The following WTAP variants were observed in gnomAD, a reference collection of about 807,000 sequenced individuals.
WTAP encodes pre-mRNA-splicing regulator WTAP.
Under a neutral mutation model 50.0 loss-of-function variants are expected in WTAP, and 8 were observed. The observed-to-expected ratio is 0.16, with a 90% CI of 0.09 to 0.29. The LOEUF is 0.29. WTAP is among the 10% of genes least tolerant of loss of function. The probability of loss-of-function intolerance (pLI) is 1.00; values close to 1 mark genes in which losing one functional copy is unlikely to be tolerated. For synonymous variants in WTAP, 194 were observed against 169.0 expected (o/e 1.15, Z -1.15); for missense variants, 295 against 470.7 (o/e 0.63, Z 3.45).
chr6:159,746,009 A>G (rs1282310129), intron 5 of WTAP, among the ~76,000 whole-genome samples: 2 of 152,206 alleles, frequency 1.3e-5, no homozygotes, highest in African/African-American at 4.8e-5. Flanking sequence ...CAAAGATCAA[A>G]TTTTAAAAGA....
chr6:159,743,411 G>T (rs1360102962), intron 4 of WTAP, among the ~76,000 whole-genome samples: 2 of 152,214 alleles, frequency 1.3e-5, no homozygotes, highest in East Asian at 3.8e-4. Context: ...GTATAACACA[G>T]ATGTTTTCTG....
intron 2 of WTAP, among the ~76,000 whole-genome samples, chr6:159,737,133 C>T (rs528840949): frequency 3.3e-5 from 5 of 151,862 alleles, no homozygotes; most frequent in Non-Finnish European, 5.9e-5. Flanking sequence ...CTGCAGTCTC[C>T]GCCTCCTGGG....
chr6:159,729,652 G>A (rs1053918027), intron 1 of WTAP, among the ~76,000 whole-genome samples: 2 of 152,156 alleles, frequency 1.3e-5, no homozygotes, highest in African/African-American at 4.8e-5. Context: ...TTATCTTTTT[G>A]CTGACTTGGA....
chr6:159,753,640 C>A, intron 7 of WTAP, 26 bp downstream of exon 7: 1 of 1,583,152 alleles, frequency 6.3e-7, no homozygotes. Context: ...CTTTTTGGAA[C>A]GTTGTCTCAA....
chr6:159,742,449 C>T (rs1244312442), intron 4 of WTAP, among the ~76,000 whole-genome samples: 1 of 152,078 alleles, frequency 6.6e-6, no homozygotes, highest in South Asian at 2.1e-4. Context: ...TGTCCCTAAC[C>T]CCTTCTGCAT....
chr6:159,731,126 G>A (rs987051332), intron 1 of WTAP, among the ~76,000 whole-genome samples: 5 of 152,000 alleles, frequency 3.3e-5, no homozygotes, highest in African/African-American at 1.2e-4. Flanking sequence ...GGGCAACAGA[G>A]AGAGACTACG....
upstream of WTAP, chr6:159,727,146 G>A (rs566586638): frequency 6.9e-4 from 826 of 1,194,746 alleles, 19 homozygotes; most frequent in South Asian, 0.011. Flanking sequence ...GCTGAGCTCC[G>A]GGGCCCGCGG....
intron 5 of WTAP, among the ~76,000 whole-genome samples, chr6:159,747,075 G>C (rs1185047381): frequency 6.6e-6 from 1 of 152,098 alleles, no homozygotes; most frequent in East Asian, 1.9e-4. Context: ...AAACCACTTA[G>C]TATATTTGTT....
At chr6:159,746,228 G>T (rs1779565776) in intron 5 of WTAP, among the ~76,000 whole-genome samples, 1 of 152,228 alleles carries the variant, frequency 6.6e-6, no homozygotes, top group South Asian at 2.1e-4. Context: ...AGTGGGAAGT[G>T]AGAGAAACTA....
chr6:159,741,308 T>C (rs770337285), intron 3 of WTAP, among the ~76,000 whole-genome samples: 32 of 152,220 alleles, frequency 2.1e-4, no homozygotes, highest in Non-Finnish European at 4.0e-4. Flanking sequence ...CAGTTAGATG[T>C]GATTGTTAAA....
intron 1 of WTAP, among the ~76,000 whole-genome samples, chr6:159,734,549 A>C (rs889126824): frequency 6.6e-6 from 1 of 152,102 alleles, no homozygotes; most frequent in Non-Finnish European, 1.5e-5. Flanking sequence ...TGATCCTTCC[A>C]CAGGTAGTTC....
At position 159,755,281 on chromosome 6, in the gene WTAP, G is replaced by T; in HGVS notation, c.861G>T (p.Thr287=). 6.2e-7 allele frequency: 1 copy of T among 1,614,202 alleles called. No individual in the cohort carries two copies. Among genetic ancestry groups the T allele is most frequent in the Non-Finnish European group, 8.5e-7 (1 of 1,180,038 alleles). Residue 287 remains threonine (T), a synonymous_variant, in exon 8 of 8, where the codon ACG becomes ACT. Transcript: ENST00000621533. ...PSNGSSSRQR[T]SGSGFHREGN... is the part of the protein sequence containing the mutation. ...ATGGTAGCTCCTCCCGCCAGAGGAC[G>T]TCTGGGTCTGGATTTCACAGGGAGG...
intron 4 of WTAP, among the ~76,000 whole-genome samples, chr6:159,742,907 T>C (rs1483546951): frequency 6.7e-6 from 1 of 148,872 alleles, no homozygotes; most frequent in Non-Finnish European, 1.5e-5. Context: ...AAAAAAAGAG[T>C]CAGGAGGATC....
At chr6:159,727,397 G>A (rs1248503052), upstream of WTAP, 9 of 1,221,686 alleles carry the variant, frequency 7.4e-6, no homozygotes, top group African/African-American at 1.5e-4. Flanking sequence ...GAGGCGGGAG[G>A]CGGGAGGCAG....
Position 159,755,509 on chromosome 6 carries a change from A to G in WTAP, c.1089A>G (p.Gln363=). Reference sequence around the variant, plus strand: ...ACACAGACTCCAGTCATGACCCTCAAGAGGAGAAAGCAGTGAGTGGGAAAG... The same window carrying G: ...ACACAGACTCCAGTCATGACCCTCAGGAGGAGAAAGCAGTGAGTGGGAAAG... ...SNDTDSSHDP[Q]EEKAVSGKGN... is the part of the protein sequence containing the mutation. The change falls in exon 8 of 8, where the codon CAA becomes CAG. Residue 363 remains glutamine, a synonymous_variant. Transcript: ENST00000621533. The G allele has an allele frequency of 6.2e-7, 1 of 1,614,184 alleles. No homozygotes were observed. Among genetic ancestry groups the G allele is most frequent in the South Asian group, 1.1e-5 (1 of 91,088 alleles).
intron 1 of WTAP, among the ~76,000 whole-genome samples, chr6:159,733,926 A>G (rs1276764399): frequency 6.6e-6 from 1 of 152,214 alleles, no homozygotes; most frequent in Non-Finnish European, 1.5e-5. Flanking sequence ...CCAAAAAAAA[A>G]GATTAAACAG....
In WTAP at chr6:159,755,939, T is replaced by C. The variant is rs1027051552; in HGVS notation, c.*328T>C. 66 of 243,410 alleles carry C rather than the reference T, an allele frequency of 2.7e-4. No homozygotes were observed. Among genetic ancestry groups the C allele is most frequent in the Non-Finnish European group, 4.8e-4 (62 of 128,674 alleles). The allele number at this position is 243,410 out of a possible 1,614,324, so 15.1% of individuals were successfully genotyped here. On this transcript the variant is annotated 3_prime_UTR_variant, in exon 8 of 8. Coordinates refer to ENST00000621533, the MANE Select transcript of WTAP (RefSeq NM_001270531.2). ...TTTTCCTTAAAATACAACACAATGA[T>C]GTCTGTATAAATCTGTCTGTTTAGA...
Position 159,756,307 on chromosome 6 carries a change from T to A in WTAP, c.*696T>A, listed in dbSNP as rs1780010386. ...ACCAAACCTAAATAAAGATTTTTAT[T>A]GTAACTCCTTAATTAGCTTTTTTGT... On this transcript the variant is annotated 3_prime_UTR_variant, in exon 8 of 8. Transcript: ENST00000621533. 6.6e-6 allele frequency: 1 copy of A among 152,658 alleles called. No homozygotes were observed. Among genetic ancestry groups the A allele is most frequent in the Non-Finnish European group, 1.5e-5 (1 of 68,054 alleles). The allele number at this position is 152,658 out of a possible 1,614,324, so 9.5% of individuals were successfully genotyped here.
chr6:159,734,965 T>G (rs536237821), intron 1 of WTAP, among the ~76,000 whole-genome samples: 8 of 152,338 alleles, frequency 5.3e-5, no homozygotes, highest in Admixed American at 5.2e-4. Context: ...TAGCATTCGT[T>G]CTAAAAAACA....
Sources: gnomAD v4.1 joint callset for allele counts (sites outside exome capture counted in the v4.1 genomes callset) on GRCh38, gnomAD v4.1.1 for gene constraint, MANE v1.5 for transcripts, NCBI Gene and HGNC (gene_info 2026-07-23, HGNC 2026-07-21) for gene names.